PAPPA2: variants seen among roughly 807,000 people sequenced by gnomAD.
The protein encoded by PAPPA2 is pappalysin-2.
PAPPA2 carries 86 observed loss-of-function variants against 176.4 expected under a neutral mutation model. That is an observed-to-expected ratio of 0.49 (90% CI 0.41 to 0.58). PAPPA2 has a LOEUF of 0.58. Among genes scored for constraint, PAPPA2 ranks in the 20% least tolerant of loss-of-function variants. PAPPA2 has a pLI of 0.00. For synonymous variants in PAPPA2, 809 were observed against 852.2 expected (o/e 0.95, Z 0.88); for missense variants, 2,073 against 2,256.9 (o/e 0.92, Z 1.65).
chr1:176,503,130 G>A (rs926795227), intron 1 of PAPPA2, among the ~76,000 whole-genome samples: 1 of 152,094 alleles, frequency 6.6e-6, no homozygotes, highest in Non-Finnish European at 1.5e-5. Flanking sequence ...GAGACTCTAG[G>A]AGAGAATCAA....
At chr1:176,488,360 A>G (rs1652738729) in intron 1 of PAPPA2, among the ~76,000 whole-genome samples, 2 of 152,164 alleles carry the variant, frequency 1.3e-5, no homozygotes, top group Admixed American at 6.6e-5. Flanking sequence ...ATTGGTTTAT[A>G]TAACATATAA....
chr1:176,828,799 C>G (rs1232304548), intron 21 of PAPPA2, among the ~76,000 whole-genome samples: 1 of 151,686 alleles, frequency 6.6e-6, no homozygotes, highest in African/African-American at 2.4e-5. Flanking sequence ...GTCAGGAGTT[C>G]GAGACCAGCC....
chr1:176,573,330 C>T (rs1652462747), intron 2 of PAPPA2, among the ~76,000 whole-genome samples: 1 of 152,144 alleles, frequency 6.6e-6, no homozygotes, highest in South Asian at 2.1e-4. Context: ...GAGAAGCCTA[C>T]AGGTAGCTCT....
intron 6 of PAPPA2, among the ~76,000 whole-genome samples, chr1:176,692,884 T>G (rs940533962): frequency 3.3e-5 from 5 of 152,316 alleles, no homozygotes; most frequent in Admixed American, 6.5e-5. Context: ...CTGCCCCACT[T>G]GACTGGCAAC....
chr1:176,837,778 A>G (rs1158341914), intron 21 of PAPPA2, among the ~76,000 whole-genome samples: 1 of 152,212 alleles, frequency 6.6e-6, no homozygotes, highest in Non-Finnish European at 1.5e-5. Flanking sequence ...TATTGAAATT[A>G]AAATTTTCTA....
At chr1:176,499,867 A>G (rs534742481) in intron 1 of PAPPA2, among the ~76,000 whole-genome samples, 3 of 152,284 alleles carry the variant, frequency 2.0e-5, no homozygotes, top group South Asian at 4.1e-4. Flanking sequence ...AGCTTGTGGT[A>G]ACTGAACAAA....
At chr1:176,599,035 C>A (rs1171850084) in intron 3 of PAPPA2, among the ~76,000 whole-genome samples, 2 of 152,082 alleles carry the variant, frequency 1.3e-5, no homozygotes, top group Non-Finnish European at 2.9e-5. Context: ...GATAGTTTGA[C>A]TTGGTATAAA....
intron 3 of PAPPA2, among the ~76,000 whole-genome samples, chr1:176,612,686 T>A (rs1336037198): frequency 6.6e-6 from 1 of 152,204 alleles, no homozygotes; most frequent in African/African-American, 2.4e-5. Flanking sequence ...AGCTATGTAG[T>A]GTAATGAACA....
intron 3 of PAPPA2, among the ~76,000 whole-genome samples, chr1:176,601,817 C>A (rs1356377218): frequency 6.6e-6 from 1 of 152,194 alleles, no homozygotes; most frequent in Non-Finnish European, 1.5e-5. Context: ...GCTTCAGCTT[C>A]TTTTTGGTTA....
rs528644472 is a variant in PAPPA2 at position 176,588,668 on chromosome 1, G to T, written c.920-5856G>T. 2.0e-5 allele frequency among the ~76,000 whole-genome samples: 3 copies of T among 152,330 alleles called. No individual in the cohort carries two copies. The East Asian group carries it at 5.8e-4, about 29-fold the overall frequency. On this transcript the variant is annotated intron_variant, in intron 2 of 22. Transcript: ENST00000367662. ...GCAGTGGCACAACTTTGCTGGATGT[G>T]TGCTTGCTGGGCTATTTCTTAGGTG...
chr1:176,636,580 CT>C (rs1365738222), intron 3 of PAPPA2, among the ~76,000 whole-genome samples: 1 of 151,924 alleles, frequency 6.6e-6, no homozygotes, highest in African/African-American at 2.4e-5. Flanking sequence ...CTGACTCAAA[CT>C]TTTTTTTCCC....
At chr1:176,533,808 C>T (rs1306927186) in intron 1 of PAPPA2, among the ~76,000 whole-genome samples, 2 of 152,190 alleles carry the variant, frequency 1.3e-5, no homozygotes, top group Non-Finnish European at 2.9e-5. Flanking sequence ...GCTCTCTGGA[C>T]CACACTTTGA....
At chr1:176,816,241 G>GGATATA (rs1666392200) in intron 21 of PAPPA2, among the ~76,000 whole-genome samples, 1 of 113,524 alleles carries the variant, frequency 8.8e-6, no homozygotes, top group Non-Finnish European at 1.7e-5. Flanking sequence ...GTGTGTGTGT[G>GGATATA]TATATATATA....
intron 7 of PAPPA2, among the ~76,000 whole-genome samples, chr1:176,697,772 C>A (rs941427424): frequency 6.6e-6 from 1 of 152,078 alleles, no homozygotes; most frequent in Admixed American, 6.6e-5. Context: ...ACTTTATATT[C>A]TTTTATGTAT....
chr1:176,770,326 A>G (rs1364717905), intron 16 of PAPPA2, among the ~76,000 whole-genome samples: 1 of 152,164 alleles, frequency 6.6e-6, no homozygotes, highest in East Asian at 1.9e-4. Context: ...GGGGTGAGAT[A>G]ATGATGTTAT....
intron 1 of PAPPA2, among the ~76,000 whole-genome samples, chr1:176,489,434 C>T (rs1444192734): frequency 6.6e-6 from 1 of 152,200 alleles, no homozygotes; most frequent in East Asian, 1.9e-4. Context: ...GTAGATTTCA[C>T]TCAGAAGTAA....
chr1:176,790,857 A>G (rs1364013521), intron 18 of PAPPA2, among the ~76,000 whole-genome samples: 1 of 152,226 alleles, frequency 6.6e-6, no homozygotes, highest in Non-Finnish European at 1.5e-5. Flanking sequence ...GGTGAGACCA[A>G]AAACAACTAT....
At chr1:176,809,283 A>G (rs1168432474) in intron 21 of PAPPA2, among the ~76,000 whole-genome samples, 2 of 152,192 alleles carry the variant, frequency 1.3e-5, no homozygotes, top group African/African-American at 4.8e-5. Context: ...AAAGGAATTT[A>G]TGTAGGAAGG....
intron 1 of PAPPA2, among the ~76,000 whole-genome samples, chr1:176,479,726 A>G (rs1204519526): frequency 6.6e-6 from 1 of 152,190 alleles, no homozygotes; most frequent in Non-Finnish European, 1.5e-5. Context: ...AACAAGTTTG[A>G]AGCTTCTATA....
Sources: gnomAD v4.1 joint callset for allele counts (sites outside exome capture counted in the v4.1 genomes callset) on GRCh38, gnomAD v4.1.1 for gene constraint, MANE v1.5 for transcripts, NCBI Gene and HGNC (gene_info 2026-07-23, HGNC 2026-07-21) for gene names.